Variants in KIF11 observed in about 807,000 individuals in gnomAD.
KIF11 encodes the protein kinesin-like protein KIF11.
KIF11 carries 9 observed loss-of-function variants against 121.0 expected under a neutral mutation model. That is an observed-to-expected ratio of 0.07 (90% CI 0.04 to 0.13). The LOEUF (loss-of-function observed/expected upper bound fraction) is 0.13, where lower values mean the gene tolerates loss of function less well. KIF11 is among the 10% of genes least tolerant of loss of function. KIF11 has a pLI of 1.00. For synonymous variants in KIF11, 408 were observed against 421.0 expected (o/e 0.97, Z 0.38); for missense variants, 846 against 1,217.5 (o/e 0.69, Z 4.54).
chr10:92,611,551 T>C (rs1381086696), intron 6 of KIF11, among the ~76,000 whole-genome samples: 1 of 152,138 alleles, frequency 6.6e-6, no homozygotes, highest in Admixed American at 6.6e-5. Context: ...ATTTATGTTT[T>C]TCCTTAGGTC....
intron 16 of KIF11, among the ~76,000 whole-genome samples, chr10:92,638,206 T>C (rs1844828199): frequency 2.0e-5 from 3 of 152,220 alleles, no homozygotes; most frequent in Admixed American, 6.5e-5. Context: ...ACAGAACTCT[T>C]ATAATAGTTA....
Position 92,632,479 on chromosome 10 carries a change from A to T in KIF11, c.1495-7A>T. 6.3e-7 allele frequency: 1 copy of T among 1,576,224 alleles called. No individual in the cohort carries two copies. Among genetic ancestry groups the T allele is most frequent in the Non-Finnish European group, 8.7e-7 (1 of 1,149,088 alleles). On this transcript the variant is annotated splice_polypyrimidine_tract_variant and splice_region_variant and intron_variant, in intron 12 of 21. Coordinates refer to ENST00000260731, the MANE Select transcript of KIF11 (RefSeq NM_004523.4). Reference sequence around the variant, plus strand: ...ATTTTGTCTAACACTTATTTTTAAAAATATAGCTGCTTAACACAGTTGAAG... The same window carrying T: ...ATTTTGTCTAACACTTATTTTTAAATATATAGCTGCTTAACACAGTTGAAG...
chr10:92,638,449 T>C (rs1844831021), intron 16 of KIF11, among the ~76,000 whole-genome samples: 1 of 152,196 alleles, frequency 6.6e-6, no homozygotes, highest in Non-Finnish European at 1.5e-5. Context: ...TACATCTACA[T>C]AGGGTATTTC....
chr10:92,618,465 T>C (rs894015970), intron 9 of KIF11, among the ~76,000 whole-genome samples: 3 of 151,516 alleles, frequency 2.0e-5, no homozygotes, highest in African/African-American at 4.8e-5. Flanking sequence ...GCTAACATAG[T>C]GAAACCCTCA....
intron 16 of KIF11, among the ~76,000 whole-genome samples, chr10:92,639,250 GTTAC>G (rs956640137): frequency 5.3e-5 from 8 of 152,128 alleles, no homozygotes; most frequent in Admixed American, 3.9e-4. Context: ...AAAGTAATTT[GTTAC>G]TTACAGCTAA....
chr10:92,607,052 T>TC (rs1254502701), intron 3 of KIF11, 107 bp from the exon 4 acceptor site: 9 of 691,388 alleles, frequency 1.3e-5, no homozygotes, highest in African/African-American at 1.8e-5. Context: ...GTTGGGATTA[T>TC]AGGCTTGAGC....
At chr10:92,600,915 C>T (rs11187090) in intron 1 of KIF11, among the ~76,000 whole-genome samples, 44,455 of 151,784 alleles carry the variant, frequency 0.29, 7,819 homozygotes, top group East Asian at 0.67. Flanking sequence ...GGCTGGAGCG[C>T]GGTGGCGCCA....
At chr10:92,645,686 T>A (rs773200460) in intron 18 of KIF11, 44 bp downstream of exon 18, 21 of 1,378,956 alleles carry the variant, frequency 1.5e-5, no homozygotes, top group Non-Finnish European at 2.0e-5. Context: ...AGAATAATAA[T>A]CAGAAAGTTA....
intron 14 of KIF11, among the ~76,000 whole-genome samples, chr10:92,635,138 T>C (rs766828758): frequency 6.6e-6 from 1 of 152,236 alleles, no homozygotes; most frequent in African/African-American, 2.4e-5. Context: ...GCCTCCCTTT[T>C]TCAGCTTAAC....
At position 92,651,507 on chromosome 10, in the gene KIF11, GTTTTTTTTTT is replaced by G. The variant is rs1175303233; in HGVS notation, c.3039+1022_3039+1031del. On this transcript the variant is annotated intron_variant, in intron 21 of 21. Coordinates refer to ENST00000260731, the MANE Select transcript of KIF11 (RefSeq NM_004523.4). ...TGTGCCACCATGCCTGGCTAATTTT[GTTTTTTTTTT>G]TTTTTTTTTTTTTTTTTTTTTTTTT... 2.3e-3 allele frequency among the ~76,000 whole-genome samples: 124 copies of G among 52,970 alleles called. 7 individuals are homozygous for G. The highest frequency in any genetic ancestry group is 5.3e-3 in the African/African-American group (102 of 19,298). The allele number at this position is 52,970 out of a possible 152,430, so 34.8% of individuals were successfully genotyped here.
At chr10:92,619,903 T>G (rs960624936) in intron 9 of KIF11, among the ~76,000 whole-genome samples, 5 of 151,614 alleles carry the variant, frequency 3.3e-5, no homozygotes, top group Non-Finnish European at 7.4e-5. Context: ...CTGTAGAGTT[T>G]TACCATAGTA....
intron 19 of KIF11, 96 bp downstream of exon 19, chr10:92,648,530 C>A: frequency 1.4e-6 from 1 of 697,940 alleles, no homozygotes; most frequent in South Asian, 2.1e-5. Context: ...CCTGCCATTG[C>A]CTGACAGAAA....
chr10:92,644,063 C>T (rs750782487), intron 17 of KIF11, among the ~76,000 whole-genome samples: 23 of 152,058 alleles, frequency 1.5e-4, no homozygotes, highest in Non-Finnish European at 2.8e-4. Flanking sequence ...GGAGGAAATA[C>T]TAGAGTAGGA....
chr10:92,622,311 T>C (rs1844627297), intron 10 of KIF11, among the ~76,000 whole-genome samples: 3 of 150,576 alleles, frequency 2.0e-5, no homozygotes, highest in Admixed American at 1.3e-4. Flanking sequence ...AAATAAAAAA[T>C]AGGCGCGATA....
At chr10:92,625,081 T>G (rs1342257335) in intron 10 of KIF11, among the ~76,000 whole-genome samples, 1 of 152,112 alleles carries the variant, frequency 6.6e-6, no homozygotes, top group Non-Finnish European at 1.5e-5. Context: ...TATTTCTGTT[T>G]TAAGTTCTTT....
intron 21 of KIF11, 60 bp downstream of exon 21, chr10:92,650,577 A>G: frequency 1.0e-6 from 1 of 955,132 alleles, no homozygotes; most frequent in Non-Finnish European, 1.7e-6. Flanking sequence ...ACTATTCATT[A>G]TAAAGGTATT....
chr10:92,607,797 A>G (rs914535553), intron 4 of KIF11, among the ~76,000 whole-genome samples: 3 of 152,194 alleles, frequency 2.0e-5, no homozygotes, highest in African/African-American at 7.2e-5. Context: ...CTGAAGTGTT[A>G]AAACTTTTAA....
intron 1 of KIF11, among the ~76,000 whole-genome samples, chr10:92,600,745 C>T (rs181410330): frequency 2.7e-3 from 412 of 152,134 alleles, no homozygotes; most frequent in African/African-American, 9.5e-3. Context: ...GACCTCAAGT[C>T]CCCTTGGGGT....
At chr10:92,652,813 T>A (rs1478738610) in intron 21 of KIF11, among the ~76,000 whole-genome samples, 1 of 152,020 alleles carries the variant, frequency 6.6e-6, no homozygotes, top group African/African-American at 2.4e-5. Flanking sequence ...CCAGAAAGGG[T>A]TTGGGATGGG....
Sources: gnomAD v4.1 joint callset for allele counts (sites outside exome capture counted in the v4.1 genomes callset) on GRCh38, gnomAD v4.1.1 for gene constraint, MANE v1.5 for transcripts, NCBI Gene and HGNC (gene_info 2026-07-23, HGNC 2026-07-21) for gene names.